ANK2: variants seen among roughly 807,000 people sequenced by gnomAD.
ANK2 encodes the protein ankyrin-2.
In ANK2, 83 loss-of-function variants were observed where a neutral mutation model predicts 360.5. The observed-to-expected ratio is 0.23, with a 90% CI of 0.19 to 0.28. ANK2 has a LOEUF of 0.28. ANK2 is among the 10% of genes least tolerant of loss of function. The probability of loss-of-function intolerance (pLI) is 1.00; values close to 1 mark genes in which losing one functional copy is unlikely to be tolerated. For synonymous variants in ANK2, 1,740 were observed against 1,759.5 expected, an observed-to-expected ratio of 0.99 and a Z score of 0.28; for missense variants, 4,201 against 4,795.7, an observed-to-expected ratio of 0.88 and a Z score of 3.66.
intron 2 of ANK2, among the ~76,000 whole-genome samples, chr4:113,012,411 G>C (rs2055065711): frequency 1.3e-5 from 2 of 152,132 alleles, no homozygotes; most frequent in Admixed American, 1.3e-4. Context: ...GAATGCGATA[G>C]GTCTTTCCTT....
At chr4:113,020,954 A>T (rs73840999) in intron 2 of ANK2, among the ~76,000 whole-genome samples, 4,346 of 115,324 alleles carry the variant, frequency 0.038, 200 homozygotes, top group African/African-American at 0.12. Context: ...TTCAGGAAAC[A>T]GAGAAAATAA....
chr4:113,057,159 T>C (rs2070466154), intron 1 of ANK2, among the ~76,000 whole-genome samples: 1 of 152,176 alleles, frequency 6.6e-6, no homozygotes, highest in Non-Finnish European at 1.5e-5. Context: ...CAGACATTTC[T>C]ATCTAAGAAA....
At chr4:112,770,281 G>A in the ANK2 span, among the ~76,000 whole-genome samples, 2 of 152,196 alleles carry the variant, frequency 1.3e-5, no homozygotes. Flanking sequence ...AGATGTTTAA[G>A]CCCTCCCAGG....
chr4:113,341,478 CCCTT>C (rs1445255509), intron 32 of ANK2, among the ~76,000 whole-genome samples: 2 of 152,134 alleles, frequency 1.3e-5, no homozygotes, highest in African/African-American at 4.8e-5. Flanking sequence ...TCTCTTCACT[CCCTT>C]CTGCTTTCCC....
chr4:112,825,464 C>G (rs2058215845), intron 1 of ANK2, among the ~76,000 whole-genome samples: 1 of 152,108 alleles, frequency 6.6e-6, no homozygotes, highest in Non-Finnish European at 1.5e-5. Flanking sequence ...ATCCCTTAAC[C>G]CTATCTGATT....
At chr4:113,347,466 TAAAG>T (rs2094994234) in intron 35 of ANK2, among the ~76,000 whole-genome samples, 1 of 152,152 alleles carries the variant, frequency 6.6e-6, no homozygotes, top group Non-Finnish European at 1.5e-5. Context: ...ACCTGAGTGT[TAAAG>T]AAAGATGACT....
rs1359556476 is a variant in ANK2, at chr4:113,263,253, T to C, written c.1387-1644T>C. Among the ~76,000 whole-genome samples, 6 of 150,460 alleles carry C rather than the reference T, an allele frequency of 4.0e-5. 1 individual carries two copies. Among genetic ancestry groups the C allele is most frequent in the Non-Finnish European group, 2.9e-5 (2 of 67,798 alleles). On this transcript the variant is annotated intron_variant, in intron 13 of 45. Coordinates refer to ENST00000357077, the MANE Select transcript of ANK2 (RefSeq NM_001148.6). Reference sequence around the variant, plus strand: ...ATTTAGAGACAGGTTTTAAATGATATGGAAAACAAGTTAGAAATCATGATT... The same window carrying C: ...ATTTAGAGACAGGTTTTAAATGATACGGAAAACAAGTTAGAAATCATGATT...
chr4:112,865,056 AAAAAAAAAAAAAAAG>A (rs2069912903), intron 1 of ANK2, among the ~76,000 whole-genome samples: 1 of 135,552 alleles, frequency 7.4e-6, no homozygotes, highest in Non-Finnish European at 1.6e-5. Flanking sequence ...AAAAAAAAAA[AAAAAAAAAAAAAAAG>A]GAGTAGAAAC....
At chr4:112,854,377 G>T (rs1281926497) in intron 1 of ANK2, among the ~76,000 whole-genome samples, 1 of 152,186 alleles carries the variant, frequency 6.6e-6, no homozygotes, top group Non-Finnish European at 1.5e-5. Flanking sequence ...TTTGATTAAG[G>T]TGCATGGTAG....
intron 24 of ANK2, chr4:113,317,395 G>A: frequency 2.5e-6 from 1 of 392,462 alleles, no homozygotes; most frequent in South Asian, 2.3e-5. Flanking sequence ...TGAATTTCTG[G>A]TACTGGCAGT....
chr4:112,835,520 A>C (rs2149731830), intron 1 of ANK2, among the ~76,000 whole-genome samples: 1 of 152,246 alleles, frequency 6.6e-6, no homozygotes, highest in Non-Finnish European at 1.5e-5. Flanking sequence ...GTGTGTATGA[A>C]TTTAGTATAA....
At chr4:112,948,132 A>C (rs2094675526) in intron 2 of ANK2, among the ~76,000 whole-genome samples, 1 of 151,782 alleles carries the variant, frequency 6.6e-6, no homozygotes, top group Non-Finnish European at 1.5e-5. Flanking sequence ...GAGATGGACA[A>C]AAGTGTTTGT....
At chr4:112,975,813 TATTAG>T (rs1322364670) in intron 2 of ANK2, among the ~76,000 whole-genome samples, 1 of 152,186 alleles carries the variant, frequency 6.6e-6, no homozygotes, top group Non-Finnish European at 1.5e-5. Flanking sequence ...AATATCAGAT[TATTAG>T]ATTAGAGCTC....
chr4:113,320,060 T>C (rs1240629788), intron 26 of ANK2, among the ~76,000 whole-genome samples: 2 of 152,170 alleles, frequency 1.3e-5, no homozygotes, highest in Middle Eastern at 3.2e-3. Flanking sequence ...ATCATTTATA[T>C]TTTGAAAAAG....
chr4:112,931,139 G>T (rs2093177531), intron 2 of ANK2, among the ~76,000 whole-genome samples: 1 of 152,076 alleles, frequency 6.6e-6, no homozygotes, highest in African/African-American at 2.4e-5. Flanking sequence ...ATGATAAGAG[G>T]TTTTAAACCC....
At chr4:112,774,695 A>G in the ANK2 span, among the ~76,000 whole-genome samples, 38 of 152,308 alleles carry the variant, frequency 2.5e-4, no homozygotes, top group South Asian at 7.9e-3. Context: ...TAACAAGTGA[A>G]ATGGTAAAGA....
At chr4:112,892,603 T>G (rs957624433) in intron 1 of ANK2, among the ~76,000 whole-genome samples, 1 of 152,226 alleles carries the variant, frequency 6.6e-6, no homozygotes, top group African/African-American at 2.4e-5. Context: ...TACAAAGATA[T>G]GGACTTGCTA....
chr4:112,747,531 A>G, the ANK2 span, among the ~76,000 whole-genome samples: 4 of 152,178 alleles, frequency 2.6e-5, no homozygotes, highest in African/African-American at 9.6e-5. Flanking sequence ...GGAACTCTTG[A>G]GCTTGTGAAA....
At chr4:112,950,867 G>T (rs1467880731) in intron 2 of ANK2, among the ~76,000 whole-genome samples, 1 of 150,976 alleles carries the variant, frequency 6.6e-6, no homozygotes, top group East Asian at 2.0e-4. Flanking sequence ...CGGATCACGA[G>T]GTCAGGAGAT....
Sources: allele counts gnomAD v4.1 joint callset (sites outside exome capture counted in the v4.1 genomes callset), GRCh38; gene constraint gnomAD v4.1.1; transcripts MANE v1.5; gene names NCBI Gene and HGNC (gene_info 2026-07-23, HGNC 2026-07-21).